The following PTPRT variants were observed in gnomAD, a reference collection of about 807,000 sequenced individuals.
PTPRT encodes the protein receptor-type tyrosine-protein phosphatase T.
PTPRT carries 56 observed loss-of-function variants against 176.8 expected under a neutral mutation model. The ratio of observed to expected loss-of-function variants is 0.32; its 90% confidence interval spans 0.26 to 0.40. The LOEUF (loss-of-function observed/expected upper bound fraction) is 0.40, where lower values mean the gene tolerates loss of function less well. PTPRT is among the 10% of genes least tolerant of loss of function. PTPRT has a pLI of 1.00. For missense variants in PTPRT, 1,540 were observed against 1,908.2 expected (o/e 0.81, Z 3.60); for synonymous variants, 783 against 739.0 (o/e 1.06, Z -0.96).
At chr20:42,647,314 C>G (rs748806892) in intron 7 of PTPRT, among the ~76,000 whole-genome samples, 2 of 152,080 alleles carry the variant, frequency 1.3e-5, no homozygotes, top group Non-Finnish European at 2.9e-5. Flanking sequence ...AGGTTCACCT[C>G]TAAATCTCCA....
chr20:42,615,594 A>G (rs1429409049), intron 7 of PTPRT, among the ~76,000 whole-genome samples: 2 of 134,838 alleles, frequency 1.5e-5, no homozygotes, highest in Admixed American at 1.4e-4. Context: ...CCTCTCCAGC[A>G]CCTGTTGTTT....
intron 17 of PTPRT, among the ~76,000 whole-genome samples, chr20:42,147,580 A>G (rs933094990): frequency 8.5e-5 from 13 of 152,224 alleles, no homozygotes; most frequent in African/African-American, 3.1e-4. Context: ...ATTCACTCCC[A>G]GAATCCTTGA....
chr20:42,794,415 AC>A (rs1370932690), intron 2 of PTPRT, among the ~76,000 whole-genome samples: 5 of 151,858 alleles, frequency 3.3e-5, no homozygotes, highest in East Asian at 1.9e-4. Flanking sequence ...TCTCACATCC[AC>A]CCCCAGGCCT....
chr20:42,857,130 A>C (rs184679697), intron 2 of PTPRT, among the ~76,000 whole-genome samples: 5 of 152,358 alleles, frequency 3.3e-5, no homozygotes, highest in Admixed American at 3.3e-4. Context: ...ACAAGGTTCT[A>C]ATCTCTTAGC....
rs373030825 is a variant in PTPRT at position 42,251,955 on chromosome 20, A to C, written c.2177-3133T>G. Among the ~76,000 whole-genome samples, 25 of 152,192 alleles carry C rather than the reference A, an allele frequency of 1.6e-4. 1 individual carries two copies. The highest frequency in any genetic ancestry group is 6.0e-4 in the African/African-American group (25 of 41,460). On this transcript the variant is annotated intron_variant, in intron 13 of 30. Coordinates refer to ENST00000373187, the MANE Select transcript of PTPRT (RefSeq NM_007050.6). The stretch of plus-strand genomic sequence containing the variant: ...TAGATCATTCCAGCTTTAGTGTGGA[A>C]CCAAAGTGGATTGGTGAAATGAGTT...
chr20:42,204,596 C>T (rs1010422796), intron 15 of PTPRT, among the ~76,000 whole-genome samples: 13 of 152,120 alleles, frequency 8.5e-5, no homozygotes, highest in African/African-American at 2.9e-4. Context: ...CAGGTGAGGA[C>T]GAGGTGACGC....
intron 7 of PTPRT, among the ~76,000 whole-genome samples, chr20:42,596,149 G>A (rs534273765): frequency 2.0e-5 from 3 of 152,288 alleles, no homozygotes; most frequent in South Asian, 4.1e-4. Flanking sequence ...GGCCCAGAGT[G>A]TCCAGTGGTA....
At chr20:42,598,420 G>A (rs530083228) in intron 7 of PTPRT, among the ~76,000 whole-genome samples, 3 of 152,178 alleles carry the variant, frequency 2.0e-5, no homozygotes, top group Admixed American at 6.5e-5. Context: ...TTTTAAATGC[G>A]AGAGTATTGG....
intron 15 of PTPRT, among the ~76,000 whole-genome samples, chr20:42,210,252 C>T (rs990019157): frequency 6.6e-6 from 1 of 152,184 alleles, no homozygotes; most frequent in East Asian, 1.9e-4. Context: ...CAGGGATGCC[C>T]TCTCTCACCA....
intron 6 of PTPRT, among the ~76,000 whole-genome samples, chr20:42,719,554 C>T (rs2076275228): frequency 6.6e-6 from 1 of 152,148 alleles, no homozygotes; most frequent in Non-Finnish European, 1.5e-5. Context: ...TATTTCTCCC[C>T]TCTGAGCCTC....
At chr20:42,966,079 T>C (rs547062002) in intron 1 of PTPRT, among the ~76,000 whole-genome samples, 106 of 152,248 alleles carry the variant, frequency 7.0e-4, no homozygotes, top group Non-Finnish European at 1.1e-3. Flanking sequence ...CATGATGGAA[T>C]AGCCAAGAGG....
At chr20:42,125,689 C>G (rs1237862146) in intron 19 of PTPRT, among the ~76,000 whole-genome samples, 1 of 152,192 alleles carries the variant, frequency 6.6e-6, no homozygotes, top group East Asian at 1.9e-4. Context: ...GCATAATTAG[C>G]AGTTGTAGAG....
At position 42,646,704 on chromosome 20, in the gene PTPRT, G is replaced by C. The variant is rs371055790; in HGVS notation, c.1153+31162C>G. 5.3e-5 allele frequency among the ~76,000 whole-genome samples: 8 copies of C among 151,956 alleles called. 1 individual carries two copies. The highest frequency in any genetic ancestry group is 1.7e-4 in the African/African-American group (7 of 41,404). On this transcript the variant is annotated intron_variant, in intron 7 of 30. Transcript: ENST00000373187. ...ATCTTCACAGGAAGTTCTGTTGGATGGTGCTGCACTATAGGCTTCAGCTTC... is the reference window on the plus strand; with the variant it reads ...ATCTTCACAGGAAGTTCTGTTGGATCGTGCTGCACTATAGGCTTCAGCTTC...
intron 8 of PTPRT, among the ~76,000 whole-genome samples, chr20:42,462,779 C>T (rs886284072): frequency 6.6e-6 from 1 of 152,130 alleles, no homozygotes; most frequent in African/African-American, 2.4e-5. Flanking sequence ...CTGATGTTGG[C>T]CACACACTAC....
intron 1 of PTPRT, among the ~76,000 whole-genome samples, chr20:43,180,651 C>A (rs2015233675): frequency 6.6e-6 from 1 of 151,982 alleles, no homozygotes; most frequent in African/African-American, 2.4e-5. Flanking sequence ...TTAGTAAAGA[C>A]AAGGTTTCAC....
At chr20:42,965,214 A>G (rs1296939067) in intron 1 of PTPRT, among the ~76,000 whole-genome samples, 1 of 152,230 alleles carries the variant, frequency 6.6e-6, no homozygotes, top group African/African-American at 2.4e-5. Context: ...GTGTGATTGC[A>G]AATGTTCACA....
intron 8 of PTPRT, among the ~76,000 whole-genome samples, chr20:42,461,745 T>C (rs1231133480): frequency 1.3e-5 from 2 of 152,144 alleles, no homozygotes; most frequent in African/African-American, 4.8e-5. Flanking sequence ...CTTGAAATAA[T>C]TGTTTTGGTG....
chr20:43,156,307 A>G (rs546825904), intron 1 of PTPRT, among the ~76,000 whole-genome samples: 29 of 152,376 alleles, frequency 1.9e-4, no homozygotes, highest in African/African-American at 7.0e-4. Flanking sequence ...GAGGGGCCTT[A>G]GCAACATCCA....
intron 9 of PTPRT, among the ~76,000 whole-genome samples, chr20:42,363,105 G>GAAAAAA (rs71193658): frequency 4.2e-5 from 2 of 47,202 alleles, no homozygotes; most frequent in African/African-American, 8.9e-5. Flanking sequence ...CTCCATTTCA[G>GAAAAAA]AAAAAAAAAA....
Sources: gnomAD v4.1 joint callset for allele counts (sites outside exome capture counted in the v4.1 genomes callset) on GRCh38, gnomAD v4.1.1 for gene constraint, MANE v1.5 for transcripts, NCBI Gene and HGNC (gene_info 2026-07-23, HGNC 2026-07-21) for gene names.